The following SCOC variants were observed in gnomAD, a reference collection of about 807,000 sequenced individuals.
SCOC encodes the protein short coiled coil protein.
In SCOC, 7 loss-of-function variants were observed where a neutral mutation model predicts 9.9. That is an observed-to-expected ratio of 0.71 (90% CI 0.40 to 1.33). The LOEUF is 1.33. SCOC is among the 40% of genes most tolerant of loss of function. SCOC has a pLI of 0.01. For synonymous variants in SCOC, 19 were observed against 28.2 expected (o/e 0.67, Z 1.03); for missense variants, 66 against 89.7 (o/e 0.74, Z 1.07).
chr4:140,310,970 T>C (rs182938820), intron 1 of SCOC, among the ~76,000 whole-genome samples: 10 of 152,344 alleles, frequency 6.6e-5, no homozygotes, highest in Non-Finnish European at 1.0e-4. Context: ...CAACCCTTCC[T>C]TGAGTGAGAT....
At chr4:140,275,809 C>T (rs1730964709) in intron 1 of SCOC, among the ~76,000 whole-genome samples, 1 of 149,350 alleles carries the variant, frequency 6.7e-6, no homozygotes, top group African/African-American at 2.5e-5. Flanking sequence ...CCCCTGAACT[C>T]GCTCAGGTTT....
chr4:140,291,547 G>T (rs764650571), intron 1 of SCOC: 1 of 455,080 alleles, frequency 2.2e-6, no homozygotes, highest in East Asian at 7.0e-5. Flanking sequence ...ATGGCAGAGG[G>T]TGAGTGAGTT....
At chr4:140,296,862 T>G (rs185805144) in intron 1 of SCOC, among the ~76,000 whole-genome samples, 34 of 152,342 alleles carry the variant, frequency 2.2e-4, no homozygotes, top group Non-Finnish European at 3.5e-4. Flanking sequence ...TTTCTGTGGC[T>G]GCTGAGTGAC....
chr4:140,332,359 CTTTTTTTT>C (rs70943486), intron 1 of SCOC, among the ~76,000 whole-genome samples: 1 of 76,776 alleles, frequency 1.3e-5, no homozygotes, highest in African/African-American at 4.0e-5. Context: ...CTGGAGTCAT[CTTTTTTTT>C]TTTTTTTTTT....
chr4:140,281,836 G>A (rs971200495), intron 1 of SCOC, among the ~76,000 whole-genome samples: 3 of 152,204 alleles, frequency 2.0e-5, no homozygotes, highest in African/African-American at 7.2e-5. Context: ...CTCAGGGGGC[G>A]AGGGGGGACC....
At chr4:140,329,357 AC>A (rs1732741781) in intron 1 of SCOC, among the ~76,000 whole-genome samples, 1 of 152,218 alleles carries the variant, frequency 6.6e-6, no homozygotes, top group African/African-American at 2.4e-5. Flanking sequence ...CTAGATGATA[AC>A]ATTGGAAAAA....
chr4:140,278,641 T>C (rs1332055398), intron 1 of SCOC, among the ~76,000 whole-genome samples: 1 of 152,170 alleles, frequency 6.6e-6, no homozygotes, highest in Non-Finnish European at 1.5e-5. Context: ...CTTAGTCACC[T>C]CCCAGAGGCC....
chr4:140,300,870 C>G (rs1392257344), intron 1 of SCOC, among the ~76,000 whole-genome samples: 1 of 152,160 alleles, frequency 6.6e-6, no homozygotes, highest in Non-Finnish European at 1.5e-5. Context: ...GCAAGGCAGC[C>G]TTCTTCTGCA....
At chr4:140,348,798 A>G (rs1291937575) in intron 2 of SCOC, among the ~76,000 whole-genome samples, 1 of 152,150 alleles carries the variant, frequency 6.6e-6, no homozygotes, top group Non-Finnish European at 1.5e-5. Flanking sequence ...ACACTTTTCT[A>G]TAGTAGCTGT....
At chr4:140,299,574 C>T (rs187453233) in intron 1 of SCOC, among the ~76,000 whole-genome samples, 11 of 152,308 alleles carry the variant, frequency 7.2e-5, no homozygotes, top group Non-Finnish European at 1.6e-4. Context: ...GATATCAAAG[C>T]TTTCCCATGG....
At chr4:140,277,844 A>G (rs1426087820) in intron 1 of SCOC, among the ~76,000 whole-genome samples, 2 of 152,200 alleles carry the variant, frequency 1.3e-5, no homozygotes, top group Non-Finnish European at 2.9e-5. Context: ...GATGTAACTT[A>G]TAGGATTAGA....
chr4:140,272,033 C>T (rs1241420975), intron 1 of SCOC, among the ~76,000 whole-genome samples: 2 of 148,822 alleles, frequency 1.3e-5, no homozygotes, highest in East Asian at 2.0e-4. Context: ...ACTTCTGTGG[C>T]GGGAGTCACA....
intron 1 of SCOC, among the ~76,000 whole-genome samples, chr4:140,338,118 T>C (rs1158678027): frequency 6.6e-6 from 1 of 152,190 alleles, no homozygotes; most frequent in Non-Finnish European, 1.5e-5. Flanking sequence ...GTGGGCTTCA[T>C]CCCTGGGATG....
intron 2 of SCOC, among the ~76,000 whole-genome samples, chr4:140,347,655 C>T (rs944505716): frequency 1.3e-5 from 2 of 152,120 alleles, no homozygotes; most frequent in South Asian, 2.1e-4. Context: ...TATATCCCAG[C>T]GACTCTAAAA....
At chr4:140,300,921 G>A (rs1731793538) in intron 1 of SCOC, among the ~76,000 whole-genome samples, 1 of 152,208 alleles carries the variant, frequency 6.6e-6, no homozygotes, top group Non-Finnish European at 1.5e-5. Flanking sequence ...CTCAATGGCA[G>A]TGACATTGAT....
intron 1 of SCOC, among the ~76,000 whole-genome samples, chr4:140,295,839 G>A (rs1056761503): frequency 1.3e-5 from 2 of 149,452 alleles, no homozygotes; most frequent in Non-Finnish European, 2.9e-5. Context: ...GCTGAGGCAG[G>A]AGAATGGCGT....
upstream of SCOC, among the ~76,000 whole-genome samples, chr4:140,338,520 C>T (rs1726362641): frequency 6.6e-6 from 1 of 152,212 alleles, no homozygotes; most frequent in African/African-American, 2.4e-5. Context: ...TCCCTGTTTG[C>T]AGATGACATG....
intron 1 of SCOC, among the ~76,000 whole-genome samples, chr4:140,326,357 G>A (rs1732645238): frequency 6.6e-6 from 1 of 152,032 alleles, no homozygotes; most frequent in Admixed American, 6.6e-5. Flanking sequence ...AAATCAACGA[G>A]GATGTTTAGG....
intron 1 of SCOC, among the ~76,000 whole-genome samples, chr4:140,278,986 A>G (rs890675013): frequency 6.6e-6 from 1 of 151,832 alleles, no homozygotes; most frequent in African/African-American, 2.4e-5. Context: ...GATTCTTAAT[A>G]TGCTCCTCAA....
Sources: gnomAD v4.1 joint callset for allele counts (sites outside exome capture counted in the v4.1 genomes callset) on GRCh38, gnomAD v4.1.1 for gene constraint, MANE v1.5 for transcripts, NCBI Gene and HGNC (gene_info 2026-07-23, HGNC 2026-07-21) for gene names.